The following UBE2E2 variants were observed in gnomAD, a reference collection of about 807,000 sequenced individuals.
UBE2E2 encodes ubiquitin-conjugating enzyme E2 E2.
A neutral mutation model predicts 24.7 loss-of-function variants in UBE2E2; 6 were observed. That is an observed-to-expected ratio of 0.24 (90% CI 0.13 to 0.48). The LOEUF (loss-of-function observed/expected upper bound fraction) is 0.48, where lower values mean the gene tolerates loss of function less well. UBE2E2 is among the 20% of genes least tolerant of loss of function. The pLI, the probability that UBE2E2 is intolerant of heterozygous loss-of-function variation, is 0.99. For missense variants in UBE2E2, 169 were observed against 245.0 expected (o/e 0.69, Z 2.07); for synonymous variants, 104 against 83.6 (o/e 1.24, Z -1.33).
At chr3:23,297,318 A>T (rs940734625) in intron 3 of UBE2E2, among the ~76,000 whole-genome samples, 35 of 151,608 alleles carry the variant, frequency 2.3e-4, no homozygotes, top group African/African-American at 8.2e-4. Context: ...GTTTAATTAG[A>T]TCCCATTTGT....
At chr3:23,584,185 T>A (rs567972095) in intron 5 of UBE2E2, among the ~76,000 whole-genome samples, 183 of 152,296 alleles carry the variant, frequency 1.2e-3, no homozygotes, top group African/African-American at 4.3e-3. Context: ...CGTGGTTTTT[T>A]GTTTGCGTTG....
At chr3:23,444,922 G>A (rs1698392863) in intron 3 of UBE2E2, among the ~76,000 whole-genome samples, 1 of 152,074 alleles carries the variant, frequency 6.6e-6, no homozygotes, top group Non-Finnish European at 1.5e-5. Context: ...ATTGGGAGCT[G>A]GAACTAAATC....
chr3:23,313,826 C>T (rs1559344343), intron 3 of UBE2E2, among the ~76,000 whole-genome samples: 2 of 152,062 alleles, frequency 1.3e-5, no homozygotes, highest in Admixed American at 6.6e-5. Flanking sequence ...GTGGTCTTCT[C>T]TTCCTTCTTT....
rs571218272 is a variant in UBE2E2, at chr3:23,278,288, C to T, written c.227+60976C>T. On this transcript the variant is annotated intron_variant, in intron 3 of 5. Coordinates refer to ENST00000396703, the MANE Select transcript of UBE2E2 (RefSeq NM_152653.4). ...TTAAGATTTCTAATTTAATTAAGTA[C>T]ACCGTCATCTCTGACTAGTTTACTT... is the stretch of plus-strand genomic sequence containing the variant. Among the ~76,000 whole-genome samples, 4 of 152,166 alleles carry T rather than the reference C, an allele frequency of 2.6e-5. No homozygotes were observed. The South Asian group carries it at 8.3e-4, about 32-fold the overall frequency.
rs1021029674 is a variant in UBE2E2 at position 23,457,703 on chromosome 3, A to G, written c.228-41905A>G. On this transcript the variant is annotated intron_variant, in intron 3 of 5. Transcript: ENST00000396703. ...GCTACTTCTTCTATTTTATGTAGAGATGGGATCTCCCTGTGTTGCCCAGGC... is the reference window on the plus strand; with the variant it reads ...GCTACTTCTTCTATTTTATGTAGAGGTGGGATCTCCCTGTGTTGCCCAGGC... 4.6e-5 allele frequency among the ~76,000 whole-genome samples: 7 copies of G among 152,272 alleles called. No individual in the cohort carries two copies. The East Asian group carries it at 1.4e-3, about 29-fold the overall frequency.
Position 23,228,377 on chromosome 3 carries a change from A to G in UBE2E2, c.227+11065A>G, listed in dbSNP as rs139482085. 5.4e-3 allele frequency among the ~76,000 whole-genome samples: 822 copies of G among 152,268 alleles called. 8 individuals carry two copies. The highest frequency in any genetic ancestry group is 0.019 in the African/African-American group (795 of 41,556). On this transcript the variant is annotated intron_variant, in intron 3 of 5. Coordinates refer to ENST00000396703, the MANE Select transcript of UBE2E2 (RefSeq NM_152653.4). ...TTTATTATTGAGTTTGCCCAGCTTTATATCTAGTTATTATTTCAGATTTAT... is the reference window on the plus strand; with the variant it reads ...TTTATTATTGAGTTTGCCCAGCTTTGTATCTAGTTATTATTTCAGATTTAT...
chr3:23,552,642 T>C (rs1302221580), intron 5 of UBE2E2, among the ~76,000 whole-genome samples: 3 of 152,216 alleles, frequency 2.0e-5, no homozygotes, highest in Non-Finnish European at 4.4e-5. Context: ...GTTGATTGTC[T>C]TTGTACAATC....
chr3:23,332,214 C>T (rs989232210), intron 3 of UBE2E2, among the ~76,000 whole-genome samples: 4 of 151,974 alleles, frequency 2.6e-5, no homozygotes, highest in Non-Finnish European at 2.9e-5. Context: ...GGCATGATGT[C>T]GGATCGCTGC....
intron 3 of UBE2E2, among the ~76,000 whole-genome samples, chr3:23,232,884 A>G (rs897788755): frequency 6.6e-6 from 1 of 152,234 alleles, no homozygotes; most frequent in African/African-American, 2.4e-5. Context: ...ATTTGAGACC[A>G]ACATGCAAGT....
intron 3 of UBE2E2, among the ~76,000 whole-genome samples, chr3:23,349,703 G>C (rs1296784612): frequency 5.9e-5 from 9 of 152,242 alleles, no homozygotes; most frequent in African/African-American, 9.6e-5. Flanking sequence ...CATTGCCCAG[G>C]CTTGCTTAGG....
intron 3 of UBE2E2, among the ~76,000 whole-genome samples, chr3:23,384,632 T>A (rs1338398275): frequency 6.6e-6 from 1 of 152,100 alleles, no homozygotes; most frequent in African/African-American, 2.4e-5. Context: ...AACCTCCACC[T>A]CTGGGGTTCA....
intron 3 of UBE2E2, among the ~76,000 whole-genome samples, chr3:23,411,818 A>C (rs987535549): frequency 2.6e-5 from 4 of 152,182 alleles, no homozygotes; most frequent in African/African-American, 9.7e-5. Context: ...CTAAGGGTTC[A>C]GTGATTGTTA....
chr3:23,430,535 G>A (rs575342610), intron 3 of UBE2E2, among the ~76,000 whole-genome samples: 1 of 150,704 alleles, frequency 6.6e-6, no homozygotes, highest in African/African-American at 2.4e-5. Context: ...TTGTTTTTTT[G>A]TTTTTTTCTT....
intron 3 of UBE2E2, among the ~76,000 whole-genome samples, chr3:23,339,018 C>T (rs566241726): frequency 6.6e-6 from 1 of 152,056 alleles, no homozygotes; most frequent in Admixed American, 6.6e-5. Context: ...ATCATAGTAA[C>T]CTTACAGTGG....
intron 3 of UBE2E2, among the ~76,000 whole-genome samples, chr3:23,381,899 A>G (rs1696679226): frequency 6.6e-6 from 1 of 152,170 alleles, no homozygotes; most frequent in Non-Finnish European, 1.5e-5. Flanking sequence ...AGAAGGATGT[A>G]GACTGAGAAG....
At chr3:23,221,580 T>A (rs1230140902) in intron 3 of UBE2E2, among the ~76,000 whole-genome samples, 1 of 152,088 alleles carries the variant, frequency 6.6e-6, no homozygotes, top group Admixed American at 6.6e-5. Flanking sequence ...GCTTTTAAAA[T>A]TTTTTTTACA....
At chr3:23,380,117 G>A (rs937826720) in intron 3 of UBE2E2, among the ~76,000 whole-genome samples, 4 of 144,474 alleles carry the variant, frequency 2.8e-5, no homozygotes, top group South Asian at 2.2e-4. Flanking sequence ...CTGAAATTGC[G>A]AACTTCTCTA....
Position 23,590,994 on chromosome 3 carries a change from T to C in UBE2E2, c.*1163T>C, listed in dbSNP as rs77003762. The C allele has an allele frequency of 0.022, 3,402 of 152,306 alleles. 123 individuals carry two copies. Among genetic ancestry groups the C allele is most frequent in the African/African-American group, 0.073 (3,049 of 41,514 alleles). The allele number at this position is 152,306 out of a possible 1,614,324, so 9.4% of individuals were successfully genotyped here. Reference sequence around the variant, plus strand: ...ATTTTTGTTGTTGTTGTTGTTGTTGTTGCTGCTCTTTTTTCTCCATGATTT... The same window carrying C: ...ATTTTTGTTGTTGTTGTTGTTGTTGCTGCTGCTCTTTTTTCTCCATGATTT... On this transcript the variant is annotated 3_prime_UTR_variant, in exon 6 of 6. Transcript: ENST00000396703.
At chr3:23,393,927 A>G (rs1011950171) in intron 3 of UBE2E2, among the ~76,000 whole-genome samples, 1 of 152,230 alleles carries the variant, frequency 6.6e-6, no homozygotes, top group Non-Finnish European at 1.5e-5. Context: ...CAAGAGTTGA[A>G]TAGTTCTGAC....
Sources: allele counts gnomAD v4.1 joint callset (sites outside exome capture counted in the v4.1 genomes callset), GRCh38; gene constraint gnomAD v4.1.1; transcripts MANE v1.5; gene names NCBI Gene and HGNC (gene_info 2026-07-23, HGNC 2026-07-21).